ADAMTS18: variants seen among roughly 807,000 people sequenced by gnomAD.
ADAMTS18 encodes the protein ADAM metallopeptidase with thrombospondin type 1 motif 18, also known as A disintegrin and metalloproteinase with thrombospondin motifs 18.
Under a neutral mutation model 165.9 loss-of-function variants are expected in ADAMTS18, and 157 were observed. The ratio of observed to expected loss-of-function variants is 0.95; its 90% CI spans 0.83 to 1.08. The LOEUF is 1.08. Among genes scored for constraint, ADAMTS18 ranks in the 50% least tolerant of loss-of-function variants. The pLI is 0.00. For missense variants in ADAMTS18, 2,040 were observed against 1,534.0 expected (o/e 1.33, Z -5.51); for synonymous variants, 782 against 578.2 (o/e 1.35, Z -5.06).
At chr16:77,408,250 T>C (rs890390402) in intron 3 of ADAMTS18, among the ~76,000 whole-genome samples, 1 of 152,064 alleles carries the variant, frequency 6.6e-6, no homozygotes, top group African/African-American at 2.4e-5. Context: ...TGTGGAGAGT[T>C]TGTGGGAATG....
intron 22 of ADAMTS18, among the ~76,000 whole-genome samples, chr16:77,288,999 G>C (rs2055309238): frequency 6.6e-6 from 1 of 152,102 alleles, no homozygotes; most frequent in African/African-American, 2.4e-5. Context: ...GCAGGAGAAT[G>C]GCATGAACCC....
In ADAMTS18 at chr16:77,320,013, C is replaced by T. The variant is rs181335224; in HGVS notation, c.2368G>A (p.Ala790Thr). ...TACTTTTGACTGAGGCTTCGAACTG[C>T]GAGGTAACTGGAGGAAACCTGCAGC... ...QELQVSSSYL[A>T]VRSLSQKYYL... Residue 790 changes from alanine to threonine, a missense_variant, in exon 16 of 23, where the codon GCA becomes ACA. Coordinates refer to ENST00000282849, the MANE Select transcript of ADAMTS18 (RefSeq NM_199355.4). 3 of 1,614,102 alleles carry T rather than the reference C, an allele frequency of 1.9e-6. No homozygotes were observed. Among genetic ancestry groups the T allele is most frequent in the Admixed American group, 1.7e-5 (1 of 60,010 alleles).
intron 4 of ADAMTS18, 102 bp downstream of exon 4, chr16:77,367,339 G>T: frequency 7.6e-7 from 1 of 1,315,866 alleles, no homozygotes; most frequent in Non-Finnish European, 1.1e-6. Context: ...GATGCTCAGG[G>T]TAGCCCCATT....
chr16:77,405,650 C>T (rs769190121), intron 3 of ADAMTS18, among the ~76,000 whole-genome samples: 91 of 152,306 alleles, frequency 6.0e-4, no homozygotes, highest in African/African-American at 2.0e-3. Context: ...GTGGCTTATA[C>T]AACAGAAAGT....
intron 4 of ADAMTS18, among the ~76,000 whole-genome samples, chr16:77,366,236 G>C (rs910153891): frequency 2.0e-5 from 3 of 152,180 alleles, no homozygotes; most frequent in Non-Finnish European, 4.4e-5. Flanking sequence ...GAATTTAAAA[G>C]TTTAAAAAGC....
intron 12 of ADAMTS18, among the ~76,000 whole-genome samples, chr16:77,334,604 C>T (rs1164547229): frequency 9.3e-6 from 1 of 107,786 alleles, no homozygotes; most frequent in Admixed American, 1.2e-4. Context: ...TATATATATA[C>T]TACTATAGTA....
intron 16 of ADAMTS18, among the ~76,000 whole-genome samples, chr16:77,304,750 G>A (rs907090458): frequency 6.6e-6 from 1 of 152,190 alleles, no homozygotes; most frequent in Non-Finnish European, 1.5e-5. Flanking sequence ...CATGTTCTTA[G>A]GAACGTGCAG....
At chr16:77,371,136 G>T (rs986687245) in intron 3 of ADAMTS18, among the ~76,000 whole-genome samples, 1 of 152,010 alleles carries the variant, frequency 6.6e-6, no homozygotes, top group Non-Finnish European at 1.5e-5. Context: ...GATTGCCTTA[G>T]TCTGAAAGGT....
intron 16 of ADAMTS18, among the ~76,000 whole-genome samples, chr16:77,307,938 C>T (rs1025999076): frequency 2.6e-5 from 4 of 152,108 alleles, no homozygotes; most frequent in African/African-American, 9.7e-5. Context: ...CCACCTGGTC[C>T]CCACCACCCT....
In ADAMTS18 at chr16:77,294,911, T is replaced by G. The variant is rs1229676340; in HGVS notation, c.3006+12A>C. On this transcript the variant is annotated intron_variant, in intron 19 of 22. Coordinates refer to ENST00000282849, the MANE Select transcript of ADAMTS18 (RefSeq NM_199355.4). ...GACCGAGAATAGTAACTCCCAAGTT[T>G]TCTCCTGTTACCTGAGACCAGGGTC... 2 of 1,613,900 alleles carry G rather than the reference T, an allele frequency of 1.2e-6. No homozygotes were observed. Among genetic ancestry groups the G allele is most frequent in the South Asian group, 2.2e-5 (2 of 91,068 alleles).
In ADAMTS18 at chr16:77,293,276, G is replaced by C. The variant is rs373085969; in HGVS notation, c.3007-18C>G. 33 of 1,607,960 alleles carry C rather than the reference G, an allele frequency of 2.1e-5. No homozygotes were observed. The African/African-American group carries it at 2.7e-4, about 13-fold the overall frequency. Reference sequence around the variant, plus strand: ...TTGGAACACTTGAGAAGACAAAAAAGTTCTATTTGCATTCCCATTAGGTTT... The same window carrying C: ...TTGGAACACTTGAGAAGACAAAAAACTTCTATTTGCATTCCCATTAGGTTT... On this transcript the variant is annotated intron_variant, in intron 19 of 22. Transcript: ENST00000282849.
intron 3 of ADAMTS18, among the ~76,000 whole-genome samples, chr16:77,422,490 GAGGA>G (rs1297856371): frequency 3.3e-5 from 5 of 150,794 alleles, no homozygotes; most frequent in Non-Finnish European, 5.9e-5. Flanking sequence ...TAGTACAAGG[GAGGA>G]AGGAAGAGAT....
intron 3 of ADAMTS18, among the ~76,000 whole-genome samples, chr16:77,426,082 G>C (rs1229485442): frequency 6.6e-6 from 1 of 151,894 alleles, no homozygotes; most frequent in Non-Finnish European, 1.5e-5. Flanking sequence ...GTGGGGAGGA[G>C]TGGTCAAATT....
intron 15 of ADAMTS18, 53 bp downstream of exon 15, chr16:77,321,026 T>C (rs191414543): frequency 3.0e-4 from 489 of 1,612,754 alleles, no homozygotes; most frequent in Non-Finnish European, 3.6e-4. Context: ...TCAAACTTGT[T>C]TGGTAGCAAA....
At chr16:77,346,716 C>A (rs775191047) in intron 10 of ADAMTS18, among the ~76,000 whole-genome samples, 6 of 151,998 alleles carry the variant, frequency 3.9e-5, no homozygotes, top group Non-Finnish European at 7.4e-5. Context: ...AGTTTATTGC[C>A]CAAGTTTTTA....
At chr16:77,369,022 A>T (rs2144747700) in intron 3 of ADAMTS18, among the ~76,000 whole-genome samples, 1 of 152,312 alleles carries the variant, frequency 6.6e-6, no homozygotes, top group Middle Eastern at 3.4e-3. Context: ...GAGTTCCCTG[A>T]TACCCAAGAC....
rs1016094100 is a variant in ADAMTS18 at position 77,421,739 on chromosome 16, T to C, written c.495+9556A>G. 3.3e-5 allele frequency among the ~76,000 whole-genome samples: 5 copies of C among 152,122 alleles called. No individual in the cohort carries two copies. In the East Asian group the frequency reaches 9.6e-4, roughly 29 times the overall value. ...CATATGTATTTGACATGTCAGCTTT[T>C]CACAAAGTAGGTCTCTCTCTCCCTA... is the stretch of plus-strand genomic sequence containing the variant. On this transcript the variant is annotated intron_variant, in intron 3 of 22. Coordinates refer to ENST00000282849, the MANE Select transcript of ADAMTS18 (RefSeq NM_199355.4).
chr16:77,314,612 CAAA>C (rs111779903), intron 16 of ADAMTS18, among the ~76,000 whole-genome samples: 1 of 87,288 alleles, frequency 1.1e-5, no homozygotes, highest in Admixed American at 1.1e-4. Flanking sequence ...AACTCTGTCT[CAAA>C]AAAAAAAAAA....
intron 17 of ADAMTS18, among the ~76,000 whole-genome samples, chr16:77,298,077 A>G (rs991804450): frequency 6.6e-6 from 1 of 151,778 alleles, no homozygotes; most frequent in African/African-American, 2.4e-5. Flanking sequence ...GGTGTGTGAC[A>G]CCATACCCAG....
Sources: gnomAD v4.1 joint callset for allele counts (sites outside exome capture counted in the v4.1 genomes callset) on GRCh38, gnomAD v4.1.1 for gene constraint, MANE v1.5 for transcripts, NCBI Gene and HGNC (gene_info 2026-07-23, HGNC 2026-07-21) for gene names.